The following DAB2IP variants were observed in gnomAD, a reference collection of about 807,000 sequenced individuals.
DAB2IP encodes disabled homolog 2-interacting protein.
A neutral mutation model predicts 107.2 loss-of-function variants in DAB2IP; 28 were observed. The ratio of observed to expected loss-of-function variants is 0.26; its 90% CI spans 0.19 to 0.36. DAB2IP has a LOEUF of 0.36. DAB2IP is among the 10% of genes least tolerant of loss of function. The probability of loss-of-function intolerance (pLI) is 1.00; values close to 1 mark genes in which losing one functional copy is unlikely to be tolerated. For missense variants in DAB2IP, 1,400 were observed against 1,644.7 expected, an observed-to-expected ratio of 0.85 and a Z score of 2.57; for synonymous variants, 755 against 706.4, an observed-to-expected ratio of 1.07 and a Z score of -1.09.
intron 1 of DAB2IP, among the ~76,000 whole-genome samples, chr9:121,623,579 G>A (rs1831547065): frequency 6.6e-6 from 1 of 152,126 alleles, no homozygotes; most frequent in African/African-American, 2.4e-5. Flanking sequence ...TGTTGCCCAG[G>A]CTGGTCTTGA....
chr9:121,783,870 T>C (rs1261835544), exon 16 of DAB2IP: 4 of 412,000 alleles, frequency 9.7e-6, no homozygotes, highest in Non-Finnish European at 1.8e-5. Flanking sequence ...TCTCGGCCCC[T>C]GTCTGTTCCC....
At chr9:121,729,442 G>C (rs1831401903) in intron 3 of DAB2IP, among the ~76,000 whole-genome samples, 2 of 152,158 alleles carry the variant, frequency 1.3e-5, no homozygotes, top group South Asian at 4.1e-4. Flanking sequence ...GACAAAACCA[G>C]CCCCAGCATA....
chr9:121,780,422 C>T (rs540031043), intron 14 of DAB2IP, among the ~76,000 whole-genome samples: 6 of 152,260 alleles, frequency 3.9e-5, no homozygotes, highest in Admixed American at 1.3e-4. Flanking sequence ...GAACCGGCCC[C>T]GGCACAGTGG....
intron 1 of DAB2IP, among the ~76,000 whole-genome samples, chr9:121,654,987 G>A (rs2119069836): frequency 6.6e-6 from 1 of 152,316 alleles, no homozygotes; most frequent in South Asian, 2.1e-4. Context: ...TTTGTCCCTG[G>A]TAGGGCTGTG....
At chr9:121,674,670 G>A (rs551840664) in intron 1 of DAB2IP, among the ~76,000 whole-genome samples, 4 of 152,210 alleles carry the variant, frequency 2.6e-5, no homozygotes, top group Admixed American at 6.5e-5. Flanking sequence ...ATCATCTGTC[G>A]AATGGGAGAT....
intron 3 of DAB2IP, among the ~76,000 whole-genome samples, chr9:121,743,944 G>A (rs1832535318): frequency 1.3e-5 from 2 of 152,324 alleles, no homozygotes; most frequent in Non-Finnish European, 1.5e-5. Flanking sequence ...GTGAAAAAGC[G>A]GGACACCAAG....
At chr9:121,720,446 T>C (rs1379390455) in intron 3 of DAB2IP, among the ~76,000 whole-genome samples, 3 of 152,198 alleles carry the variant, frequency 2.0e-5, no homozygotes, top group Admixed American at 6.5e-5. Flanking sequence ...TTCACAGAGC[T>C]CCTCCCAGTC....
chr9:121,737,277 C>A, intron 3 of DAB2IP: 1 of 985,454 alleles, frequency 1.0e-6, no homozygotes, highest in South Asian at 4.7e-5. Context: ...CTTCTTGGAC[C>A]TGGAGGTTGT....
intron 3 of DAB2IP, among the ~76,000 whole-genome samples, chr9:121,739,028 C>T (rs1168774072): frequency 2.0e-5 from 3 of 152,230 alleles, no homozygotes; most frequent in African/African-American, 7.2e-5. Flanking sequence ...ACCTGTGTTC[C>T]CAGTGCCTAA....
At chr9:121,775,300 G>A (rs555585674) in intron 13 of DAB2IP, among the ~76,000 whole-genome samples, 3 of 152,092 alleles carry the variant, frequency 2.0e-5, no homozygotes, top group African/African-American at 7.2e-5. Flanking sequence ...CCTTCTCCCC[G>A]GCCTCAGGCG....
chr9:121,733,979 G>A (rs1041966925), intron 3 of DAB2IP, among the ~76,000 whole-genome samples: 32 of 152,258 alleles, frequency 2.1e-4, no homozygotes, highest in Admixed American at 1.4e-3. Flanking sequence ...GGCCACAGGA[G>A]ATGCTGAAAC....
upstream of DAB2IP, among the ~76,000 whole-genome samples, chr9:121,650,817 G>T (rs1196353260): frequency 6.6e-6 from 1 of 152,198 alleles, no homozygotes; most frequent in African/African-American, 2.4e-5. Context: ...GTCCCTGCTG[G>T]CAGCACAGCA....
At chr9:121,676,674 C>T (rs560253882) in intron 1 of DAB2IP, among the ~76,000 whole-genome samples, 7 of 152,216 alleles carry the variant, frequency 4.6e-5, no homozygotes, top group Non-Finnish European at 8.8e-5. Context: ...CGCACACACA[C>T]TGCAAATGAG....
chr9:121,588,610 G>GAGGGAGGGGAAGGGA (rs1830359181), intron 1 of DAB2IP, among the ~76,000 whole-genome samples: 1 of 54,974 alleles, frequency 1.8e-5, no homozygotes, highest in East Asian at 5.0e-4. Context: ...GAATGGGGAA[G>GAGGGAGGGGAAGGGA]AGGGAAGGGA....
At chr9:121,680,959 T>C (rs1483227650) in intron 2 of DAB2IP, among the ~76,000 whole-genome samples, 3 of 152,056 alleles carry the variant, frequency 2.0e-5, no homozygotes, top group Non-Finnish European at 2.9e-5. Flanking sequence ...GCCAGGCTAG[T>C]CTTGAACTCC....
Position 121,776,442 on chromosome 9 carries a change from TCGCTGCCTTCG to T in DAB2IP, c.3314+52_3314+62del. 6.8e-7 allele frequency: 1 copy of T among 1,460,174 alleles called. No homozygotes were observed. The highest frequency in any genetic ancestry group is 1.4e-5 in the South Asian group (1 of 69,300). The allele number at this position is 1,460,174 out of a possible 1,614,324, so 90.5% of individuals were successfully genotyped here. Reference sequence around the variant, plus strand: ...GCCACAGGCACAGGCAGGGCAGCCATCGCTGCCTTCGAGGAGGCCCCTGGTCGGGGAGCCTC... The same window carrying T: ...GCCACAGGCACAGGCAGGGCAGCCATAGGAGGCCCCTGGTCGGGGAGCCTC... On this transcript the variant is annotated intron_variant, in intron 14 of 15. Transcript: ENST00000408936. The surrounding 1 kb of genome is among the most constrained non-coding windows in gnomAD (Gnocchi z 5.4).
intron 10 of DAB2IP, among the ~76,000 whole-genome samples, chr9:121,769,864 G>C (rs116722159): frequency 0.021 from 3,161 of 152,292 alleles, 113 homozygotes; most frequent in African/African-American, 0.072. Flanking sequence ...GGTGCAACAG[G>C]GATTTGAAAC....
chr9:121,780,341 C>G (rs999074521), intron 14 of DAB2IP, among the ~76,000 whole-genome samples: 3 of 152,144 alleles, frequency 2.0e-5, no homozygotes, highest in African/African-American at 7.2e-5. Context: ...GGGTCCCCCC[C>G]GCCACCACCG....
intron 3 of DAB2IP, among the ~76,000 whole-genome samples, chr9:121,754,947 A>G (rs918605107): frequency 1.6e-4 from 24 of 152,254 alleles, no homozygotes; most frequent in African/African-American, 5.8e-4. Context: ...CTTACCTGGC[A>G]GAGATTTTCC....
Sources: allele counts gnomAD v4.1 joint callset (sites outside exome capture counted in the v4.1 genomes callset), GRCh38; gene constraint gnomAD v4.1.1; non-coding constraint Gnocchi (gnomAD v3.1); transcripts MANE v1.5; gene names NCBI Gene and HGNC (gene_info 2026-07-23, HGNC 2026-07-21).